The following TRIP4 variants were observed in gnomAD, a reference collection of about 807,000 sequenced individuals.
The protein encoded by TRIP4 is thyroid hormone receptor interactor 4, also known as activating signal cointegrator 1.
In TRIP4, 54 loss-of-function variants were observed where a neutral mutation model predicts 81.8. The observed-to-expected ratio is 0.66, with a 90% CI of 0.53 to 0.83. The LOEUF (loss-of-function observed/expected upper bound fraction) is 0.83, where lower values mean the gene tolerates loss of function less well. Among genes scored for constraint, TRIP4 ranks in the 40% least tolerant of loss-of-function variants. The probability of loss-of-function intolerance (pLI) is 0.00; values close to 1 mark genes in which losing one functional copy is unlikely to be tolerated. For missense variants in TRIP4, 662 were observed against 683.6 expected (o/e 0.97, Z 0.35); for synonymous variants, 270 against 242.8 (o/e 1.11, Z -1.04).
At chr15:64,392,506 T>C (rs1047298631) in intron 1 of TRIP4, among the ~76,000 whole-genome samples, 2 of 152,086 alleles carry the variant, frequency 1.3e-5, no homozygotes, top group African/African-American at 4.8e-5. Flanking sequence ...TATGTGTGTG[T>C]GTATTTTTAG....
chr15:64,403,007 C>A (rs1891546115), intron 5 of TRIP4, among the ~76,000 whole-genome samples: 1 of 151,446 alleles, frequency 6.6e-6, no homozygotes, highest in African/African-American at 2.4e-5. Flanking sequence ...CTGGCGACGC[C>A]CGCCACCATG....
At chr15:64,407,666 C>CA (rs200398683) in intron 6 of TRIP4, among the ~76,000 whole-genome samples, 14,803 of 146,868 alleles carry the variant, frequency 0.1, 1,516 homozygotes, top group African/African-American at 0.26. Context: ...GACTCTGTCT[C>CA]AAAAAAAAAA....
chr15:64,399,995 A>G lies in TRIP4; in HGVS notation c.619-748A>G, dbSNP rs549663302. On this transcript the variant is annotated intron_variant, in intron 4 of 12. Coordinates refer to ENST00000261884, the MANE Select transcript of TRIP4 (RefSeq NM_016213.5). ...GCTCAAAAAAAAAAAAAGAAAGAAA[A>G]AAAGAAAAAATAACGTACTCTCAAA... Among the ~76,000 whole-genome samples the G allele has an allele frequency of 1.8e-4, 27 of 151,794 alleles. 1 individual carries two copies. The highest frequency in any genetic ancestry group is 1.7e-3 in the Admixed American group (26 of 15,228).
chr15:64,418,176 A>G (rs1156854261), intron 8 of TRIP4, among the ~76,000 whole-genome samples: 2 of 152,130 alleles, frequency 1.3e-5, no homozygotes, highest in African/African-American at 2.4e-5. Flanking sequence ...CAGTGGCACA[A>G]TCTTGGCTCA....
At chr15:64,405,874 C>T (rs1215533756) in intron 5 of TRIP4, among the ~76,000 whole-genome samples, 1 of 152,140 alleles carries the variant, frequency 6.6e-6, no homozygotes, top group Non-Finnish European at 1.5e-5. Flanking sequence ...TGCCTGTTGT[C>T]TCAGCTATTC....
chr15:64,426,063 A>T (rs1197031897), intron 11 of TRIP4, among the ~76,000 whole-genome samples: 1 of 152,068 alleles, frequency 6.6e-6, no homozygotes, highest in Non-Finnish European at 1.5e-5. Flanking sequence ...AGCCTGGGCA[A>T]CCGAGTGAGA....
At chr15:64,431,842 T>TAC (rs1827574502) in intron 11 of TRIP4, among the ~76,000 whole-genome samples, 1 of 41,256 alleles carries the variant, frequency 2.4e-5, no homozygotes, top group Non-Finnish European at 8.0e-5. Context: ...TATATATATA[T>TAC]ATATATTTTT....
intron 7 of TRIP4, among the ~76,000 whole-genome samples, chr15:64,413,000 A>T (rs768293817): frequency 6.6e-6 from 1 of 152,106 alleles, no homozygotes; most frequent in Non-Finnish European, 1.5e-5. Flanking sequence ...ACCTTAGAGA[A>T]AGGATTAAGC....
intron 11 of TRIP4, among the ~76,000 whole-genome samples, chr15:64,432,493 C>T (rs1892300641): frequency 6.6e-6 from 1 of 151,890 alleles, no homozygotes; most frequent in Non-Finnish European, 1.5e-5. Context: ...CCCTGTAATC[C>T]CAGCTACTTG....
intron 1 of TRIP4, among the ~76,000 whole-genome samples, chr15:64,392,240 G>GATCGCT (rs1900157483): frequency 6.6e-6 from 1 of 152,066 alleles, no homozygotes; most frequent in African/African-American, 2.4e-5. Flanking sequence ...GGAGTTTGCA[G>GATCGCT]TGAGCTGAGA....
chr15:64,410,097 C>T (rs912165110), intron 7 of TRIP4, among the ~76,000 whole-genome samples: 1 of 143,710 alleles, frequency 7.0e-6, no homozygotes, highest in Admixed American at 7.2e-5. Flanking sequence ...CTGATCTTGG[C>T]TCACTGCAAC....
Position 64,438,965 on chromosome 15 carries a change from A to G in TRIP4, c.1576-6041A>G, listed in dbSNP as rs144061511. Among the ~76,000 whole-genome samples the G allele has an allele frequency of 1.0e-3, 152 of 152,298 alleles. 1 individual carries two copies. Among genetic ancestry groups the G allele is most frequent in the African/African-American group, 3.5e-3 (147 of 41,566 alleles). ...TACATATATGGATTGTCTCTGTAGC[A>G]TTGAGCTGGAAGCCCCTGTCTTAGA... is the stretch of plus-strand genomic sequence containing the variant. On this transcript the variant is annotated intron_variant, in intron 11 of 12. Transcript: ENST00000261884.
At chr15:64,431,847 A>ATATATATATATATATATATATATTTT in intron 11 of TRIP4, among the ~76,000 whole-genome samples, 6 of 119,552 alleles carry the variant, frequency 5.0e-5, no homozygotes, top group African/African-American at 1.6e-4. Flanking sequence ...ATATATATAT[A>ATATATATATATATATATATATATTTT]TTTTTTTTAT....
intron 9 of TRIP4, among the ~76,000 whole-genome samples, chr15:64,423,235 G>A (rs1362280579): frequency 2.0e-5 from 3 of 152,042 alleles, no homozygotes; most frequent in South Asian, 2.1e-4. Context: ...TTGGGAGGCC[G>A]AGGTGGGCAG....
chr15:64,424,988 G>A (rs756788194), intron 10 of TRIP4, among the ~76,000 whole-genome samples: 25 of 152,070 alleles, frequency 1.6e-4, no homozygotes, highest in Non-Finnish European at 3.1e-4. Context: ...TGTTGGCCAG[G>A]CTGGTCTTGA....
intron 5 of TRIP4, among the ~76,000 whole-genome samples, chr15:64,404,320 A>G (rs948121152): frequency 6.6e-6 from 1 of 151,644 alleles, no homozygotes; most frequent in Non-Finnish European, 1.5e-5. Context: ...TTTTATTTTT[A>G]TTTTTATTTA....
rs1263704607 is a variant in TRIP4, at chr15:64,394,063, G to A, written c.219G>A (p.Lys73=). The A allele has an allele frequency of 6.2e-7, 1 of 1,609,936 alleles. No homozygotes were observed. Among genetic ancestry groups the A allele is most frequent in the Non-Finnish European group, 8.5e-7 (1 of 1,178,104 alleles). ...AAGAACTTATAACCAAATGGCAAAA[G>A]AATGATCAGGAGTTGATTTCGGATC... ...FIEELITKWQ[K]NDQELISDPL... is the part of the protein sequence containing the mutation. The change falls in exon 2 of 13, where the codon AAG becomes AAA. Residue 73 remains lysine, a synonymous_variant. Coordinates refer to ENST00000261884, the MANE Select transcript of TRIP4 (RefSeq NM_016213.5).
chr15:64,397,794 C>T lies in TRIP4; in HGVS notation c.594C>T (p.Gly198=). 6.2e-7 allele frequency: 1 copy of T among 1,614,204 alleles called. No individual in the cohort carries two copies. The highest frequency in any genetic ancestry group is 8.5e-7 in the Non-Finnish European group (1 of 1,180,040). The change falls in exon 4 of 13, where the codon GGC becomes GGT. Residue 198 remains glycine (G), a synonymous_variant. Transcript: ENST00000261884. ...GRIVCEQEGS[G]PCLFCGTLVC... ...TTGTCTGTGAACAAGAAGGCTCAGG[C>T]CCTTGCTTATTCTGTGGCACTCTGG...
chr15:64,410,026 T>G (rs1043623696), intron 7 of TRIP4, among the ~76,000 whole-genome samples, 198 bp downstream of exon 7: 6 of 146,218 alleles, frequency 4.1e-5, no homozygotes, highest in African/African-American at 1.0e-4. Flanking sequence ...GTGGTTTGGT[T>G]TTTTTTTTTT....
Sources: allele counts gnomAD v4.1 joint callset (sites outside exome capture counted in the v4.1 genomes callset), GRCh38; gene constraint gnomAD v4.1.1; transcripts MANE v1.5; gene names NCBI Gene and HGNC (gene_info 2026-07-23, HGNC 2026-07-21).